Variants in GRAMD1B observed in about 807,000 individuals in gnomAD.
GRAMD1B encodes the protein protein Aster-B.
Under a neutral mutation model 99.7 loss-of-function variants are expected in GRAMD1B, and 37 were observed. That is an observed-to-expected ratio of 0.37 (90% CI 0.29 to 0.49). The LOEUF (loss-of-function observed/expected upper bound fraction) is 0.49. GRAMD1B is among the 20% of genes least tolerant of loss of function. GRAMD1B has a pLI of 0.98. For missense variants in GRAMD1B, 888 were observed against 1,009.2 expected (o/e 0.88, Z 1.63); for synonymous variants, 427 against 387.6 (o/e 1.10, Z -1.19).
Position 123,448,528 on chromosome 11 carries a change from T to C in GRAMD1B, c.374+17362T>C, listed in dbSNP as rs554167650. On this transcript the variant is annotated intron_variant, in intron 1 of 19. Coordinates refer to ENST00000635736, the MANE Select transcript of GRAMD1B (RefSeq NM_001387025.1). The stretch of plus-strand genomic sequence containing the variant: ...GCCAGCATGCCCAGCCTCCACTTTC[T>C]ACTTCTAAATCCATATACTGTCCTG... Among the ~76,000 whole-genome samples, 4 of 152,342 alleles carry C rather than the reference T, an allele frequency of 2.6e-5. No homozygotes were observed. In the East Asian group the frequency reaches 5.8e-4, roughly 22 times the overall value.
chr11:123,609,875 C>A lies in GRAMD1B; in HGVS notation c.1738C>A (p.Pro580Thr). 6.3e-7 allele frequency: 1 copy of A among 1,598,492 alleles called. No individual in the cohort carries two copies. Among genetic ancestry groups the A allele is most frequent in the Non-Finnish European group, 8.5e-7 (1 of 1,171,996 alleles). ...TCTTTACACCATCACCCTTACCAAC[C>A]CTCTGGCTCCCAAAACTGCCACTGT... Reference protein sequence around the residue: ...VILYTITLTNPLAPKTATVRE... With the variant: ...VILYTITLTNTLAPKTATVRE... Residue 580 changes from proline (P) to threonine (T), a missense_variant, in exon 13 of 20, where the codon CCT becomes ACT. By Grantham distance (38) the Pro-to-Thr change is conservative. Transcript: ENST00000635736.
intron 1 of GRAMD1B, chr11:123,435,479 G>A (rs1949118098): frequency 2.8e-6 from 2 of 702,324 alleles, no homozygotes; most frequent in Non-Finnish European, 5.2e-6. Context: ...AATATGAAGA[G>A]GATTAGGAGA....
chr11:123,390,975 C>T (rs916928572), intron 1 of GRAMD1B, among the ~76,000 whole-genome samples: 6 of 152,204 alleles, frequency 3.9e-5, no homozygotes, highest in African/African-American at 1.4e-4. Flanking sequence ...CACTCAGCTG[C>T]CCGCCTTTCC....
chr11:123,365,570 C>A (rs1354295551), intron 1 of GRAMD1B, among the ~76,000 whole-genome samples: 2 of 152,156 alleles, frequency 1.3e-5, no homozygotes, highest in Non-Finnish European at 2.9e-5. Flanking sequence ...ATTTTCAATG[C>A]CATCTTTTTC....
intron 2 of GRAMD1B, among the ~76,000 whole-genome samples, chr11:123,558,824 G>A (rs1379961964): frequency 6.6e-6 from 1 of 152,218 alleles, no homozygotes; most frequent in Non-Finnish European, 1.5e-5. Flanking sequence ...TGCGGCTGCT[G>A]TTCTATCAAC....
chr11:123,386,350 G>A (rs1947056979), intron 1 of GRAMD1B, among the ~76,000 whole-genome samples: 1 of 151,722 alleles, frequency 6.6e-6, no homozygotes, highest in Non-Finnish European at 1.5e-5. Flanking sequence ...CTCAAGGGGT[G>A]TCCTTCTCTT....
chr11:123,410,090 G>T (rs976741383), intron 1 of GRAMD1B, among the ~76,000 whole-genome samples: 2 of 152,108 alleles, frequency 1.3e-5, no homozygotes, highest in Non-Finnish European at 2.9e-5. Flanking sequence ...GCACAGGGAG[G>T]CCTGCAGGCG....
intron 1 of GRAMD1B, among the ~76,000 whole-genome samples, chr11:123,454,991 T>G (rs996046666): frequency 5.9e-5 from 9 of 152,356 alleles, no homozygotes; most frequent in African/African-American, 1.9e-4. Context: ...ACTTGTTATA[T>G]CTGAAGGATG....
chr11:123,384,648 T>G (rs1946997028), intron 1 of GRAMD1B, among the ~76,000 whole-genome samples: 1 of 152,244 alleles, frequency 6.6e-6, no homozygotes, highest in Admixed American at 6.5e-5. Flanking sequence ...TCCCAGTGCT[T>G]GATATAAAGT....
At position 123,546,783 on chromosome 11, in the gene GRAMD1B, A is replaced by C. The variant is rs961025449; in HGVS notation, c.453-30584A>C. On this transcript the variant is annotated intron_variant, in intron 2 of 19. Transcript: ENST00000635736. ...TGTGGATGTTTTCCATCTTGACTAC[A>C]AATGTCAGCATACAGGGACCCAGCA... 6.6e-5 allele frequency among the ~76,000 whole-genome samples: 10 copies of C among 152,186 alleles called. No homozygotes were observed. In the South Asian group the frequency reaches 1.7e-3, roughly 25 times the overall value.
intron 1 of GRAMD1B, among the ~76,000 whole-genome samples, chr11:123,413,789 C>A (rs1436526157): frequency 1.3e-5 from 2 of 152,062 alleles, no homozygotes; most frequent in Non-Finnish European, 2.9e-5. Flanking sequence ...AGTTCTCTGA[C>A]CTTCACTGAC....
chr11:123,606,483 T>A lies in GRAMD1B; in HGVS notation c.1324-126T>A, dbSNP rs1952737257. 9.8e-6 allele frequency: 8 copies of A among 812,480 alleles called. No individual in the cohort carries two copies. In the East Asian group the frequency reaches 2.1e-4, roughly 22 times the overall value. The allele number at this position is 812,480 out of a possible 1,614,324, so 50.3% of individuals were successfully genotyped here. A position where few individuals can be genotyped will look rare whatever the true frequency, so the allele number is the denominator to read the frequency against. ...GGGGAAGGGCTTTGGAGCCTGACTC[T>A]GACTTCGCTCCTGAGCAGCTGAGCT... On this transcript the variant is annotated intron_variant, in intron 10 of 19. Coordinates refer to ENST00000635736, the MANE Select transcript of GRAMD1B (RefSeq NM_001387025.1).
intron 2 of GRAMD1B, among the ~76,000 whole-genome samples, chr11:123,488,916 C>T (rs1938194640): frequency 6.6e-6 from 1 of 151,686 alleles, no homozygotes. Context: ...ATTTGGAGCT[C>T]AGGGAAAATA....
intron 2 of GRAMD1B, among the ~76,000 whole-genome samples, chr11:123,499,222 G>A (rs1188593373): frequency 1.3e-5 from 2 of 152,166 alleles, no homozygotes; most frequent in Admixed American, 6.5e-5. Flanking sequence ...TTTAAAAGAA[G>A]AGGGAGAGAG....
chr11:123,614,302 T>TA (rs1161723538), intron 16 of GRAMD1B, among the ~76,000 whole-genome samples: 2 of 152,206 alleles, frequency 1.3e-5, no homozygotes, highest in African/African-American at 4.8e-5. Flanking sequence ...ACTTCCATGT[T>TA]ACGTGTTTTG....
chr11:123,527,556 G>T (rs910827337), intron 2 of GRAMD1B, among the ~76,000 whole-genome samples: 1 of 152,016 alleles, frequency 6.6e-6, no homozygotes, highest in Non-Finnish European at 1.5e-5. Context: ...CTTTCTTGGG[G>T]TCTGGTACCC....
At chr11:123,456,933 AAAAAG>A (rs1950155234) in intron 1 of GRAMD1B, among the ~76,000 whole-genome samples, 2 of 149,360 alleles carry the variant, frequency 1.3e-5, no homozygotes, top group African/African-American at 2.5e-5. Flanking sequence ...AAAAAAAAAA[AAAAAG>A]AAAAAGAAAA....
chr11:123,513,473 G>C (rs1941245036), intron 2 of GRAMD1B, among the ~76,000 whole-genome samples: 1 of 151,650 alleles, frequency 6.6e-6, no homozygotes, highest in Non-Finnish European at 1.5e-5. Flanking sequence ...TTGTTACTGA[G>C]AGTTAGTTTC....
intron 1 of GRAMD1B, among the ~76,000 whole-genome samples, chr11:123,402,400 G>T (rs189406889): frequency 8.5e-5 from 13 of 152,296 alleles, no homozygotes; most frequent in East Asian, 5.8e-4. Flanking sequence ...AATAACAAAG[G>T]TCGTCATCAT....
Sources: gnomAD v4.1 joint callset for allele counts (sites outside exome capture counted in the v4.1 genomes callset) on GRCh38, gnomAD v4.1.1 for gene constraint, MANE v1.5 for transcripts, NCBI Gene and HGNC (gene_info 2026-07-23, HGNC 2026-07-21) for gene names.